CARD8: variants seen among roughly 807,000 people sequenced by gnomAD.
CARD8 encodes caspase recruitment domain family member 8.
In CARD8, 38 loss-of-function variants were observed where a neutral mutation model predicts 53.2. The ratio of observed to expected loss-of-function variants is 0.71; its 90% CI spans 0.55 to 0.94. The LOEUF (loss-of-function observed/expected upper bound fraction) is 0.94. CARD8 is among the 40% of genes least tolerant of loss of function. CARD8 has a pLI of 0.00. For synonymous variants in CARD8, 245 were observed against 244.9 expected (o/e 1.00, Z 0.00); for missense variants, 561 against 655.5 (o/e 0.86, Z 1.57).
In CARD8 at chr19:48,230,958, G is replaced by A. The variant is rs1047926244; in HGVS notation, c.591C>T (p.Leu197=). 20 of 1,614,030 alleles carry A rather than the reference G, an allele frequency of 1.2e-5. No individual in the cohort carries two copies. The highest frequency in any genetic ancestry group is 4.5e-5 in the East Asian group (2 of 44,882). Residue 197 remains leucine, a synonymous_variant, in exon 9 of 14, where the codon CTC becomes CTT. Coordinates refer to ENST00000651546, the MANE Select transcript of CARD8 (RefSeq NM_001184900.3). ...TGACCTCATCCCTTACCAGGAAGCCGAGGCCTGTGGCTGACCACAGATACC... is the reference window on the plus strand; with the variant it reads ...TGACCTCATCCCTTACCAGGAAGCCAAGGCCTGTGGCTGACCACAGATACC... ...AGWYLWSATG[L]GFLVRDEVTV...
In CARD8 at chr19:48,225,035, G is replaced by A. The variant is rs191612687; in HGVS notation, c.1036-3180C>T. ...CCCAAAGTCCTGGGATTACAGGTGT[G>A]AGCCACCGCACCCGGCCCTCCTTGT... On this transcript the variant is annotated intron_variant, in intron 10 of 13. Transcript: ENST00000651546. Among the ~76,000 whole-genome samples the A allele has an allele frequency of 5.0e-3, 763 of 151,982 alleles. 7 individuals carry two copies. Among genetic ancestry groups the A allele is most frequent in the African/African-American group, 0.018 (729 of 41,456 alleles).
chr19:48,231,239 T>C (rs1434353678), intron 8 of CARD8, among the ~76,000 whole-genome samples: 1 of 152,212 alleles, frequency 6.6e-6, no homozygotes, highest in Non-Finnish European at 1.5e-5. Flanking sequence ...AATAAACATA[T>C]TATTGATGAA....
chr19:48,224,276 A>AT (rs1011898405), intron 10 of CARD8, among the ~76,000 whole-genome samples: 22 of 152,096 alleles, frequency 1.4e-4, no homozygotes, highest in African/African-American at 5.3e-4. Flanking sequence ...TAGCAGCCAC[A>AT]TTTTTTAAAA....
At chr19:48,215,617 C>T (rs1309844058) in intron 12 of CARD8, among the ~76,000 whole-genome samples, 1 of 152,198 alleles carries the variant, frequency 6.6e-6, no homozygotes, top group Non-Finnish European at 1.5e-5. Context: ...TTTCAACTTG[C>T]AGGCCAATAT....
chr19:48,222,447 T>C (rs2145799493), intron 10 of CARD8, among the ~76,000 whole-genome samples: 1 of 152,256 alleles, frequency 6.6e-6, no homozygotes, highest in Middle Eastern at 3.4e-3. Flanking sequence ...TCCTAGCGCT[T>C]TGGGAGGCCG....
chr19:48,229,870 C>T (rs138581264), intron 10 of CARD8, among the ~76,000 whole-genome samples: 15 of 152,168 alleles, frequency 9.9e-5, no homozygotes, highest in Non-Finnish European at 1.3e-4. Flanking sequence ...CCCAACACTT[C>T]GGGAGGCCAA....
intron 1 of CARD8, among the ~76,000 whole-genome samples, chr19:48,255,040 T>A (rs1568973756): frequency 6.6e-6 from 1 of 152,196 alleles, no homozygotes; most frequent in Non-Finnish European, 1.5e-5. Context: ...ATACGGCATG[T>A]CTATTCCCAA....
intron 12 of CARD8, 41 bp from the exon 13 acceptor site, chr19:48,215,425 T>C: frequency 2.2e-6 from 3 of 1,371,594 alleles, no homozygotes; most frequent in Non-Finnish European, 3.1e-6. Flanking sequence ...ATGAGATAAA[T>C]CATGTACCCT....
chr19:48,245,471 C>T (rs2146894336), intron 3 of CARD8, among the ~76,000 whole-genome samples: 1 of 152,222 alleles, frequency 6.6e-6, no homozygotes, highest in East Asian at 1.9e-4. Flanking sequence ...CCTCAGCCTC[C>T]CAAAGTGCTG....
At chr19:48,254,628 C>T (rs920038064) in intron 1 of CARD8, among the ~76,000 whole-genome samples, 1 of 152,054 alleles carries the variant, frequency 6.6e-6, no homozygotes, top group East Asian at 1.9e-4. Flanking sequence ...TGGTGGGCAC[C>T]TGTAGTCGCA....
intron 11 of CARD8, among the ~76,000 whole-genome samples, chr19:48,220,951 AG>A (rs113441226): frequency 0.55 from 38,749 of 70,388 alleles, 6,475 homozygotes; most frequent in South Asian, 0.6. Flanking sequence ...AAGAAAGGAA[AG>A]GAAAGGAAGG....
chr19:48,235,783 A>T (rs2043765860), intron 5 of CARD8, among the ~76,000 whole-genome samples: 2 of 152,188 alleles, frequency 1.3e-5, no homozygotes, highest in African/African-American at 4.8e-5. Context: ...GCAATTGTTG[A>T]GAGATTTTGA....
chr19:48,206,911 A>C (rs2037368866), downstream of CARD8, among the ~76,000 whole-genome samples: 1 of 152,134 alleles, frequency 6.6e-6, no homozygotes. Flanking sequence ...ACAAGTGTGG[A>C]GGCTTTCCTG....
chr19:48,218,353 CTT>C (rs770280304), intron 12 of CARD8, among the ~76,000 whole-genome samples: 7,133 of 108,716 alleles, frequency 0.066, 579 homozygotes, highest in African/African-American at 0.23. Context: ...TTATCTTCTT[CTT>C]TTTTTTTTTT....
intron 10 of CARD8, among the ~76,000 whole-genome samples, chr19:48,225,657 G>C (rs951064197): frequency 6.6e-6 from 1 of 152,134 alleles, no homozygotes; most frequent in African/African-American, 2.4e-5. Flanking sequence ...GGAATTCTTG[G>C]AGTATTTGAG....
chr19:48,250,180 G>C (rs371955378), intron 1 of CARD8, among the ~76,000 whole-genome samples: 24 of 152,202 alleles, frequency 1.6e-4, no homozygotes, highest in South Asian at 1.2e-3. Context: ...TGGGAATAGA[G>C]CATTGCAATT....
downstream of CARD8, among the ~76,000 whole-genome samples, chr19:48,207,416 C>T (rs2037397233): frequency 6.6e-6 from 1 of 152,012 alleles, no homozygotes; most frequent in Admixed American, 6.6e-5. Context: ...CATTTGTGCT[C>T]CATATACTCA....
At chr19:48,216,514 C>T (rs73057787) in intron 12 of CARD8, among the ~76,000 whole-genome samples, 35 of 152,282 alleles carry the variant, frequency 2.3e-4, no homozygotes, top group Non-Finnish European at 4.7e-4. Context: ...CCTGGGTCGG[C>T]TGAGCATCAT....
intron 10 of CARD8, among the ~76,000 whole-genome samples, chr19:48,229,871 G>A (rs535624106): frequency 7.8e-4 from 119 of 152,268 alleles, no homozygotes; most frequent in African/African-American, 2.6e-3. Context: ...CCAACACTTC[G>A]GGAGGCCAAG....
Sources: gnomAD v4.1 joint callset for allele counts (sites outside exome capture counted in the v4.1 genomes callset) on GRCh38, gnomAD v4.1.1 for gene constraint, MANE v1.5 for transcripts, NCBI Gene and HGNC (gene_info 2026-07-23, HGNC 2026-07-21) for gene names.